The following DBI variants were observed in gnomAD, a reference collection of about 807,000 sequenced individuals.
The protein encoded by DBI is diazepam binding inhibitor, acyl-CoA binding protein, also known as acyl-CoA-binding protein.
A neutral mutation model predicts 13.0 loss-of-function variants in DBI; 12 were observed. The ratio of observed to expected loss-of-function variants is 0.92; its 90% CI spans 0.59 to 1.49. The LOEUF is 1.49. Among genes scored for constraint, DBI ranks in the 40% most tolerant of loss-of-function variants. The pLI is 0.00. For missense variants in DBI, 95 were observed against 104.8 expected (o/e 0.91, Z 0.41); for synonymous variants, 37 against 37.4 (o/e 0.99, Z 0.04).
rs1178448555 is a variant in DBI at position 119,372,404 on chromosome 2, TTCGGGAAAA to T, written c.*88_*96del. On this transcript the variant is annotated 3_prime_UTR_variant, in exon 4 of 4. Transcript: ENST00000355857. ...TTTCTAATACCGTGGATGGTGGGAA[TTCGGGAAAA>T]TAACCAGTTAAACCAGCTACTCAAG... 2 of 1,068,116 alleles carry T rather than the reference TTCGGGAAAA, an allele frequency of 1.9e-6. No homozygotes were observed. Among genetic ancestry groups the T allele is most frequent in the Non-Finnish European group, 2.9e-6 (2 of 696,448 alleles). The allele number at this position is 1,068,116 out of a possible 1,614,324, so 66.2% of individuals were successfully genotyped here.
intron 2 of DBI, among the ~76,000 whole-genome samples, chr2:119,369,567 C>A (rs1321670234): frequency 6.6e-6 from 1 of 152,212 alleles, no homozygotes; most frequent in Non-Finnish European, 1.5e-5. Flanking sequence ...GCAAGCGAAT[C>A]ATGAGGTCAG....
chr2:119,367,824 G>C, intron 1 of DBI: 1 of 1,612,890 alleles, frequency 6.2e-7, no homozygotes, highest in Non-Finnish European at 8.5e-7. Context: ...CCCGGTGGTG[G>C]CCAGGCAGTT....
chr2:119,370,012 G>C (rs976123983), intron 2 of DBI, among the ~76,000 whole-genome samples: 3 of 152,096 alleles, frequency 2.0e-5, no homozygotes, highest in African/African-American at 4.8e-5. Flanking sequence ...AGGGCAGTTT[G>C]TTTCAGCTGT....
rs1681590717 is a variant in DBI at position 119,372,435 on chromosome 2, C to T, written c.*117C>T. The T allele has an allele frequency of 5.4e-6, 4 of 741,032 alleles. No homozygotes were observed. Among genetic ancestry groups the T allele is most frequent in the Non-Finnish European group, 9.4e-6 (4 of 426,794 alleles). 45.9% of individuals were successfully genotyped at this position (741,032 alleles called of 1,614,324 possible). A position where few individuals can be genotyped will look rare whatever the true frequency, so the allele number is the denominator to read the frequency against. ...AAAATAACCAGTTAAACCAGCTACT[C>T]AAGGCTGCTCACCATACGGCTCTAA... On this transcript the variant is annotated 3_prime_UTR_variant, in exon 4 of 4. Coordinates refer to ENST00000355857, the MANE Select transcript of DBI (RefSeq NM_001079862.4).
In DBI at chr2:119,367,282, C is replaced by T. The variant is rs538649424; in HGVS notation, c.9+222C>T. On this transcript the variant is annotated intron_variant, in intron 1 of 3. Coordinates refer to ENST00000355857, the MANE Select transcript of DBI (RefSeq NM_001079862.4). ...CACCCCGCAACTGCCGGAAAGTTGC[C>T]CATGGGGTGGACTTCGCTGTGTAGC... is the stretch of plus-strand genomic sequence containing the variant. 73 of 1,436,892 alleles carry T rather than the reference C, an allele frequency of 5.1e-5. No individual in the cohort carries two copies. In the East Asian group the frequency reaches 1.3e-3, roughly 26 times the overall value. 89.0% of individuals were successfully genotyped at this position (1,436,892 alleles called of 1,614,324 possible). A position where few individuals can be genotyped will look rare whatever the true frequency, so the allele number is the denominator to read the frequency against.
intron 1 of DBI, 37 bp downstream of exon 1, chr2:119,367,097 CG>C (rs1558804087): frequency 6.2e-7 from 1 of 1,612,790 alleles, no homozygotes. Flanking sequence ...GAAGGTGCAG[CG>C]GGCGGGAGGC....
chr2:119,367,263 G>T (rs1224299605), intron 1 of DBI: 6 of 1,437,148 alleles, frequency 4.2e-6, no homozygotes, highest in Admixed American at 2.8e-5. Context: ...TGCCCACCCC[G>T]CAACTGCCGG....
At chr2:119,367,711 G>C (rs1198439807) in intron 1 of DBI, 2 of 1,610,968 alleles carry the variant, frequency 1.2e-6, no homozygotes, top group African/African-American at 1.3e-5. Context: ...CTGACACCGC[G>C]GCACTCATGC....
chr2:119,368,035 G>A, intron 1 of DBI, 153 bp from the exon 2 acceptor site: 1 of 1,556,356 alleles, frequency 6.4e-7, no homozygotes, highest in Middle Eastern at 1.7e-4. Flanking sequence ...GGGCAGGGAG[G>A]GGCAGACACA....
Position 119,372,407 on chromosome 2 carries a change from G to A in DBI, c.*89G>A, listed in dbSNP as rs941252111. ...CTAATACCGTGGATGGTGGGAATTC[G>A]GGAAAATAACCAGTTAAACCAGCTA... is the stretch of plus-strand genomic sequence containing the variant. On this transcript the variant is annotated 3_prime_UTR_variant, in exon 4 of 4. Coordinates refer to ENST00000355857, the MANE Select transcript of DBI (RefSeq NM_001079862.4). 1.7e-4 allele frequency: 177 copies of A among 1,051,280 alleles called. 1 individual carries two copies. The Admixed American group carries it at 2.2e-3, about 13-fold the overall frequency. The allele number at this position is 1,051,280 out of a possible 1,614,324, so 65.1% of individuals were successfully genotyped here.
In DBI at chr2:119,368,342, C is replaced by G. The variant is rs981832347; in HGVS notation, c.127+37C>G. On this transcript the variant is annotated intron_variant, in intron 2 of 3. Coordinates refer to ENST00000355857, the MANE Select transcript of DBI (RefSeq NM_001079862.4). ...GGGGGTTGGAAGGGCATCTGCTCAT[C>G]AAAGCAGGCTCAGCAGCTCAGACTG... 6.0e-6 allele frequency: 9 copies of G among 1,503,302 alleles called. No homozygotes were observed. The African/African-American group carries it at 1.2e-4, about 21-fold the overall frequency. The allele number at this position is 1,503,302 out of a possible 1,614,324, so 93.1% of individuals were successfully genotyped here. A position where few individuals can be genotyped will look rare whatever the true frequency, so the allele number is the denominator to read the frequency against.
At chr2:119,368,146 C>G (rs1208060028) in intron 1 of DBI, 42 bp from the exon 2 acceptor site, 16 of 1,561,374 alleles carry the variant, frequency 1.0e-5, no homozygotes, top group Non-Finnish European at 1.4e-5. Flanking sequence ...CCCTCTCCCA[C>G]CCAGAGGAGG....
intron 1 of DBI, 128 bp downstream of exon 1, chr2:119,367,188 T>TA (rs1681070068): frequency 6.7e-7 from 1 of 1,485,298 alleles, no homozygotes; most frequent in African/African-American, 1.4e-5. Flanking sequence ...GGCCCATGCC[T>TA]AGCCCTGATT....
chr2:119,371,974 T>TC (rs768307815), intron 3 of DBI, among the ~76,000 whole-genome samples: 3 of 152,012 alleles, frequency 2.0e-5, no homozygotes, highest in Non-Finnish European at 4.4e-5. Flanking sequence ...CAATGGCCAT[T>TC]CCCCCAGGAC....
At chr2:119,367,944 G>T (rs769686180) in intron 1 of DBI, 11 of 1,614,130 alleles carry the variant, frequency 6.8e-6, no homozygotes, top group Non-Finnish European at 4.2e-6. Context: ...GAGAGCTCTG[G>T]ATATATGGTT....
chr2:119,369,615 A>G (rs962509375), intron 2 of DBI, among the ~76,000 whole-genome samples: 4 of 152,074 alleles, frequency 2.6e-5, no homozygotes, highest in Admixed American at 2.0e-4. Flanking sequence ...GTGAAACCCC[A>G]TCTCTACTAA....
chr2:119,370,725 C>T lies in DBI; in HGVS notation c.128-15C>T, dbSNP rs2104695806. On this transcript the variant is annotated splice_polypyrimidine_tract_variant and intron_variant, in intron 2 of 3. Coordinates refer to ENST00000355857, the MANE Select transcript of DBI (RefSeq NM_001079862.4). ...ATTTGAACCAGATCTAATGCCTTTT[C>T]TTCCCTTGTTTAAGAACGGCCCGGG... 10 of 1,612,744 alleles carry T rather than the reference C, an allele frequency of 6.2e-6. No homozygotes were observed. Among genetic ancestry groups the T allele is most frequent in the Non-Finnish European group, 6.8e-6 (8 of 1,179,396 alleles).
Position 119,369,386 on chromosome 2 carries a change from C to T in DBI, c.127+1081C>T, listed in dbSNP as rs147211885. Among the ~76,000 whole-genome samples the T allele has an allele frequency of 1.4e-3, 211 of 152,312 alleles. 1 individual carries two copies. Among genetic ancestry groups the T allele is most frequent in the African/African-American group, 4.6e-3 (192 of 41,556 alleles). On this transcript the variant is annotated intron_variant, in intron 2 of 3. Transcript: ENST00000355857. ...CACTTACTGATCAAAGAGGTGTCAT[C>T]GGCTCTCTCTAGGGCTGTACTATAC...
At chr2:119,371,088 G>A (rs1681484707) in intron 3 of DBI, among the ~76,000 whole-genome samples, 1 of 152,190 alleles carries the variant, frequency 6.6e-6, no homozygotes. Context: ...GTTGGCGTAG[G>A]CTTTGGATGT....
Sources: gnomAD v4.1 joint callset for allele counts (sites outside exome capture counted in the v4.1 genomes callset) on GRCh38, gnomAD v4.1.1 for gene constraint, MANE v1.5 for transcripts, NCBI Gene and HGNC (gene_info 2026-07-23, HGNC 2026-07-21) for gene names.